Variants in CPQ observed in about 807,000 individuals in gnomAD.
The protein encoded by CPQ is carboxypeptidase Q.
In CPQ, 37 loss-of-function variants were observed where a neutral mutation model predicts 45.7. The observed-to-expected ratio is 0.81, with a 90% CI of 0.62 to 1.07. CPQ has a LOEUF of 1.07. Among genes scored for constraint, CPQ ranks in the 50% least tolerant of loss-of-function variants. CPQ has a pLI of 0.00. For synonymous variants in CPQ, 186 were observed against 205.8 expected (o/e 0.90, Z 0.82); for missense variants, 537 against 572.9 (o/e 0.94, Z 0.64).
intron 4 of CPQ, among the ~76,000 whole-genome samples, chr8:96,893,386 G>A (rs1812402268): frequency 2.0e-5 from 3 of 152,196 alleles, no homozygotes. Context: ...GAAGATAAAA[G>A]GGTCCTTGCC....
chr8:97,003,163 C>T (rs1051372733), intron 5 of CPQ, among the ~76,000 whole-genome samples: 1 of 152,058 alleles, frequency 6.6e-6, no homozygotes, highest in South Asian at 2.1e-4. Flanking sequence ...TTGCATGTGA[C>T]ATTGGTCTCT....
At chr8:96,932,210 A>G (rs1812983937) in intron 4 of CPQ, among the ~76,000 whole-genome samples, 1 of 151,836 alleles carries the variant, frequency 6.6e-6, no homozygotes. Flanking sequence ...AAATAGTGCA[A>G]ATATAGTTGA....
At chr8:96,768,195 TGTA>T (rs1379471252) in intron 1 of CPQ, among the ~76,000 whole-genome samples, 2 of 152,210 alleles carry the variant, frequency 1.3e-5, no homozygotes, top group Non-Finnish European at 2.9e-5. Flanking sequence ...TGTGCCCTGA[TGTA>T]GTGCTACAAT....
intron 2 of CPQ, among the ~76,000 whole-genome samples, chr8:96,829,942 G>T (rs943395638): frequency 6.6e-6 from 1 of 152,020 alleles, no homozygotes; most frequent in African/African-American, 2.4e-5. Context: ...AATTAATTTT[G>T]ATCTGTAAGG....
At chr8:97,097,780 C>G (rs572943008) in intron 7 of CPQ, among the ~76,000 whole-genome samples, 2 of 151,966 alleles carry the variant, frequency 1.3e-5, no homozygotes, top group South Asian at 4.2e-4. Flanking sequence ...TCCACTGGAA[C>G]CTCTGCAACT....
intron 7 of CPQ, among the ~76,000 whole-genome samples, chr8:97,084,035 A>G (rs117669137): frequency 6.4e-3 from 968 of 152,308 alleles, no homozygotes; most frequent in Non-Finnish European, 0.01. Context: ...ATTGCTTACA[A>G]TGTAAAAGAT....
At chr8:96,908,167 CGA>C (rs1415627829) in intron 4 of CPQ, among the ~76,000 whole-genome samples, 1 of 143,710 alleles carries the variant, frequency 7.0e-6, no homozygotes, top group Non-Finnish European at 1.5e-5. Context: ...GAGAGAGAGA[CGA>C]GAGAGAGAGG....
At chr8:96,729,534 A>G (rs1169516095) in intron 1 of CPQ, among the ~76,000 whole-genome samples, 1 of 152,224 alleles carries the variant, frequency 6.6e-6, no homozygotes, top group Non-Finnish European at 1.5e-5. Flanking sequence ...AAAATTTCAA[A>G]TGAAGTAATC....
chr8:96,870,799 C>A (rs540061597), intron 3 of CPQ, among the ~76,000 whole-genome samples: 5 of 152,034 alleles, frequency 3.3e-5, no homozygotes, highest in East Asian at 1.9e-4. Flanking sequence ...TGATTTTTGA[C>A]AGAATGGTGT....
chr8:96,983,828 C>CTTTTTTTTTTTTTTTTT (rs77058864), intron 5 of CPQ, among the ~76,000 whole-genome samples: 1 of 137,908 alleles, frequency 7.3e-6, no homozygotes. Context: ...TTTTTGGTTA[C>CTTTTTTTTTTTTTTTTT]TTTTTTTTTT....
intron 1 of CPQ, among the ~76,000 whole-genome samples, chr8:96,754,995 T>G (rs1421502873): frequency 1.3e-5 from 2 of 152,032 alleles, no homozygotes. Flanking sequence ...GTTTAAAAAT[T>G]CATCACTGTT....
Position 96,771,496 on chromosome 8 carries a change from C to T in CPQ, c.-34-13368C>T, listed in dbSNP as rs185020143. ...TCTCTTCCTTTCTTTCTGTATTGCCCTCCTATCCCCCATCATGTGAAAAAT... is the reference window on the plus strand; with the variant it reads ...TCTCTTCCTTTCTTTCTGTATTGCCTTCCTATCCCCCATCATGTGAAAAAT... On this transcript the variant is annotated intron_variant, in intron 1 of 7. Coordinates refer to ENST00000220763, the MANE Select transcript of CPQ (RefSeq NM_016134.4). Among the ~76,000 whole-genome samples the T allele has an allele frequency of 1.4e-3, 220 of 152,086 alleles. 4 individuals are homozygous for T. Among genetic ancestry groups the T allele is most frequent in the Admixed American group, 0.011 (171 of 15,266 alleles).
chr8:96,889,216 G>A (rs1291243605), intron 4 of CPQ, among the ~76,000 whole-genome samples: 1 of 152,184 alleles, frequency 6.6e-6, no homozygotes, highest in Non-Finnish European at 1.5e-5. Flanking sequence ...TTTCATTTTA[G>A]CTTACTCTGG....
chr8:96,658,900 C>G lies in CPQ; in HGVS notation c.-35+13498C>G, dbSNP rs546019643. Among the ~76,000 whole-genome samples the G allele has an allele frequency of 5.9e-5, 9 of 152,304 alleles. No homozygotes were observed. In the East Asian group the frequency reaches 1.7e-3, roughly 29 times the overall value. The stretch of plus-strand genomic sequence containing the variant: ...GGGATGCAGTCCTGCCGATACCTTG[C>G]TTTTACGTGATGCATACAGTGTCAG... On this transcript the variant is annotated intron_variant, in intron 1 of 7. Transcript: ENST00000220763.
chr8:97,047,698 G>A (rs1422988140), intron 6 of CPQ, among the ~76,000 whole-genome samples: 2 of 152,120 alleles, frequency 1.3e-5, no homozygotes, highest in African/African-American at 4.8e-5. Flanking sequence ...CCTTTAGTTT[G>A]GGGCATTTTC....
intron 5 of CPQ, among the ~76,000 whole-genome samples, chr8:96,967,885 T>C (rs1813596574): frequency 6.6e-6 from 1 of 152,150 alleles, no homozygotes; most frequent in Non-Finnish European, 1.5e-5. Context: ...ATCTGTGAAA[T>C]GGGATAATAA....
At chr8:97,085,138 A>G (rs866602144) in intron 7 of CPQ, among the ~76,000 whole-genome samples, 3 of 152,030 alleles carry the variant, frequency 2.0e-5, no homozygotes, top group East Asian at 1.9e-4. Flanking sequence ...AATACCAGCA[A>G]TTTGAGAGGC....
chr8:97,003,300 A>G (rs1223955559), intron 5 of CPQ, among the ~76,000 whole-genome samples: 1 of 152,192 alleles, frequency 6.6e-6, no homozygotes, highest in East Asian at 1.9e-4. Flanking sequence ...TCCTGTCATC[A>G]TGTTAGCTGA....
chr8:96,985,593 C>T (rs890061528), intron 5 of CPQ, among the ~76,000 whole-genome samples: 2 of 152,136 alleles, frequency 1.3e-5, no homozygotes, highest in Admixed American at 6.6e-5. Context: ...CTGACTGTGT[C>T]ACCCATTGGC....
Sources: allele counts gnomAD v4.1 joint callset (sites outside exome capture counted in the v4.1 genomes callset), GRCh38; gene constraint gnomAD v4.1.1; transcripts MANE v1.5; gene names NCBI Gene and HGNC (gene_info 2026-07-23, HGNC 2026-07-21).